The following TMPRSS15 variants were observed in gnomAD, a reference collection of about 807,000 sequenced individuals.
TMPRSS15 encodes transmembrane serine protease 15.
TMPRSS15 carries 128 observed loss-of-function variants against 125.3 expected under a neutral mutation model. The observed-to-expected ratio is 1.02, with a 90% CI of 0.89 to 1.18. The LOEUF is 1.18. TMPRSS15 is among the 50% of genes most tolerant of loss of function. The probability of loss-of-function intolerance (pLI) is 0.00; values close to 1 mark genes in which losing one functional copy is unlikely to be tolerated. For synonymous variants in TMPRSS15, 446 were observed against 423.2 expected (o/e 1.05, Z -0.66); for missense variants, 1,283 against 1,212.7 (o/e 1.06, Z -0.86).
At chr21:18,274,212 G>T (rs2074593986) in intron 24 of TMPRSS15, among the ~76,000 whole-genome samples, 1 of 152,084 alleles carries the variant, frequency 6.6e-6, no homozygotes, top group Admixed American at 6.5e-5. Context: ...TTGAGTAATT[G>T]CTCGATGCCT....
intron 16 of TMPRSS15, among the ~76,000 whole-genome samples, chr21:18,320,371 A>T (rs1039527295): frequency 2.0e-5 from 3 of 152,078 alleles, no homozygotes; most frequent in Non-Finnish European, 4.4e-5. Context: ...CTTTTTTCAT[A>T]GCTTACTGAA....
intron 1 of TMPRSS15, among the ~76,000 whole-genome samples, chr21:18,451,022 C>T (rs1405818197): frequency 6.6e-6 from 1 of 152,022 alleles, no homozygotes; most frequent in East Asian, 1.9e-4. Context: ...TAATCACTGG[C>T]CAAGCATTAC....
At chr21:18,389,292 C>T (rs758148016) in intron 3 of TMPRSS15, among the ~76,000 whole-genome samples, 1 of 151,754 alleles carries the variant, frequency 6.6e-6, no homozygotes, top group African/African-American at 2.4e-5. Flanking sequence ...GAAGATTAAA[C>T]CTTTTTGCAT....
intron 16 of TMPRSS15, among the ~76,000 whole-genome samples, chr21:18,317,302 C>A (rs952067488): frequency 6.0e-5 from 9 of 150,906 alleles, no homozygotes; most frequent in African/African-American, 2.2e-4. Flanking sequence ...TCAGTATAGC[C>A]ATACTATACT....
At chr21:18,456,673 A>G (rs1978447589) in intron 1 of TMPRSS15, among the ~76,000 whole-genome samples, 1 of 152,124 alleles carries the variant, frequency 6.6e-6, no homozygotes, top group Non-Finnish European at 1.5e-5. Flanking sequence ...AGAGCTGTAT[A>G]TTATTCATTA....
chr21:18,342,686 G>T (rs889083113), intron 12 of TMPRSS15, among the ~76,000 whole-genome samples: 1 of 151,978 alleles, frequency 6.6e-6, no homozygotes, highest in African/African-American at 2.4e-5. Flanking sequence ...GAGAGGAAAC[G>T]TCCCATAAAA....
chr21:18,446,268 C>A (rs982121556), intron 1 of TMPRSS15, among the ~76,000 whole-genome samples: 2 of 151,958 alleles, frequency 1.3e-5, no homozygotes, highest in Non-Finnish European at 2.9e-5. Flanking sequence ...AAGCAATATA[C>A]AAGGAAAACT....
In TMPRSS15 at chr21:18,436,234, T is replaced by C. The variant is rs1294404177; in HGVS notation, c.11-37905A>G. ...TTTAATTATGATGTTAGGGTGTCAA[T>C]TTTGGATCTTTCCTGCTTTCTCTTG... On this transcript the variant is annotated intron_variant, in intron 1 of 7. Coordinates refer to the TMPRSS15 transcript ENST00000422787. Among the ~76,000 whole-genome samples, 4 of 151,450 alleles carry C rather than the reference T, an allele frequency of 2.6e-5. No individual in the cohort carries two copies. In the East Asian group the frequency reaches 7.7e-4, roughly 29 times the overall value.
intron 1 of TMPRSS15, among the ~76,000 whole-genome samples, chr21:18,444,487 A>G: frequency 6.6e-6 from 1 of 151,534 alleles, no homozygotes. Context: ...CTGTTGGGGG[A>G]TGGGGGTGCT....
chr21:18,452,430 G>A (rs548275957), intron 1 of TMPRSS15, among the ~76,000 whole-genome samples: 20 of 152,278 alleles, frequency 1.3e-4, no homozygotes, highest in African/African-American at 4.8e-4. Context: ...TTGGGAGGCC[G>A]AGGTGGGCTG....
intron 24 of TMPRSS15, among the ~76,000 whole-genome samples, chr21:18,270,857 AT>A (rs2074546480): frequency 6.6e-6 from 1 of 152,232 alleles, no homozygotes; most frequent in Admixed American, 6.5e-5. Flanking sequence ...ATGACATAAA[AT>A]TGACAAGTAT....
At chr21:18,343,224 G>T (rs1405362392) in intron 12 of TMPRSS15, among the ~76,000 whole-genome samples, 3 of 152,172 alleles carry the variant, frequency 2.0e-5, no homozygotes, top group Non-Finnish European at 2.9e-5. Context: ...CTAGAAAGTT[G>T]CTGAAGGAAG....
intron 7 of TMPRSS15, among the ~76,000 whole-genome samples, chr21:18,361,694 C>A (rs927735085): frequency 3.3e-5 from 5 of 152,062 alleles, no homozygotes; most frequent in African/African-American, 1.2e-4. Context: ...GATCAAACAC[C>A]ATACTATAAT....
intron 5 of TMPRSS15, 38 bp downstream of exon 5, chr21:18,379,245 T>G (rs1388617419): frequency 5.3e-6 from 6 of 1,135,856 alleles, no homozygotes; most frequent in Non-Finnish European, 7.0e-6. Context: ...AGAGAAAACT[T>G]TCTTTCAAAA....
chr21:18,331,519 T>C (rs1388681798), intron 14 of TMPRSS15, among the ~76,000 whole-genome samples: 1 of 152,256 alleles, frequency 6.6e-6, no homozygotes, highest in East Asian at 1.9e-4. Flanking sequence ...GCAAACTATT[T>C]TCTCTAGACA....
chr21:18,452,500 CAA>C (rs1358911178), intron 1 of TMPRSS15, among the ~76,000 whole-genome samples: 2 of 152,018 alleles, frequency 1.3e-5, no homozygotes, highest in Non-Finnish European at 2.9e-5. Context: ...CATGTCTCTA[CAA>C]AAAATAAAAA....
chr21:18,473,238 G>T (rs908005814), intron 1 of TMPRSS15, among the ~76,000 whole-genome samples: 1 of 152,028 alleles, frequency 6.6e-6, no homozygotes, highest in African/African-American at 2.4e-5. Context: ...GACAAGGGAG[G>T]TCATTGGCCA....
At chr21:18,412,798 G>A (rs745830171) in intron 1 of TMPRSS15, among the ~76,000 whole-genome samples, 1 of 152,244 alleles carries the variant, frequency 6.6e-6, no homozygotes. Flanking sequence ...AACCAGGAAG[G>A]CTGCATTATT....
chr21:18,353,760 A>C lies in TMPRSS15; in HGVS notation c.984T>G (p.Asn328Lys). 6.2e-7 allele frequency: 1 copy of C among 1,611,742 alleles called. No homozygotes were observed. The highest frequency in any genetic ancestry group is 1.1e-5 in the South Asian group (1 of 91,022). The change falls in exon 9 of 25, where the codon AAT becomes AAG. Residue 328 changes from asparagine (N) to lysine (K), a missense_variant. Transcript: ENST00000284885. Reference sequence around the variant, plus strand: ...TGCTGTTAAATGCAGTATATGTTGCATTAAAGCCAACATAATCACTTTCAT... The same window carrying C: ...TGCTGTTAAATGCAGTATATGTTGCCTTAAAGCCAACATAATCACTTTCAT... Reference protein sequence around the residue: ...ESDESDYVGFNATYTAFNSSE... With the variant: ...ESDESDYVGFKATYTAFNSSE...
Sources: gnomAD v4.1 joint callset for allele counts (sites outside exome capture counted in the v4.1 genomes callset) on GRCh38, gnomAD v4.1.1 for gene constraint, MANE v1.5 for transcripts, NCBI Gene and HGNC (gene_info 2026-07-23, HGNC 2026-07-21) for gene names.